The following ALS2 variants were observed in gnomAD, a reference collection of about 807,000 sequenced individuals.
ALS2 encodes alsin.
In ALS2, 117 loss-of-function variants were observed where a neutral mutation model predicts 203.4. The ratio of observed to expected loss-of-function variants is 0.58; its 90% CI spans 0.50 to 0.67. ALS2 has a LOEUF of 0.67. Ranked by LOEUF, ALS2 falls within the 30% of genes least tolerant of loss-of-function variation. ALS2 has a pLI of 0.00. For missense variants in ALS2, 1,715 were observed against 1,989.4 expected (o/e 0.86, Z 2.62); for synonymous variants, 718 against 725.9 (o/e 0.99, Z 0.17).
At position 201,760,945 on chromosome 2, in the gene ALS2, C is replaced by T. The variant is rs763352024; in HGVS notation, c.1049G>A (p.Arg350Gln). ...PDTQAVNEYLRKLSDHSVRED... is the reference protein window; with the variant it reads ...PDTQAVNEYLQKLSDHSVRED... ...TCTTACTGAATGATCTGACAGTTTC[C>T]GTAGGTATTCATTGACTGCTTGGGT... The change falls in exon 4 of 34, where the codon CGG (arginine) becomes CAG (glutamine). Residue 350 changes from arginine (R) to glutamine (Q), a missense_variant. Around this residue, in one of 3 missense-constraint regions of ALS2, gnomAD observed 476 missense variants for 539.3 expected, o/e 0.88. Transcript: ENST00000264276. The T allele has an allele frequency of 1.9e-5, 30 of 1,614,000 alleles. No homozygotes were observed. The highest frequency in any genetic ancestry group is 2.4e-5 in the Non-Finnish European group (28 of 1,180,032).
chr2:201,708,621 G>A (rs1040283215), intron 27 of ALS2, among the ~76,000 whole-genome samples: 1 of 152,102 alleles, frequency 6.6e-6, no homozygotes, highest in African/African-American at 2.4e-5. Context: ...ATTTAAAAAT[G>A]TGTTTTTAAA....
Position 201,760,907 on chromosome 2 carries a change from G to GCT in ALS2, c.1085_1086dup (p.His363SerfsTer13). On this transcript the variant is annotated frameshift_variant, in exon 4 of 34. Transcript: ENST00000264276. LOFTEE classifies it high-confidence loss of function. Reference sequence around the variant, plus strand: ...TGAGATGGCACTGGCTTTTCACCATGCTCTGAGTCCTCTCTTACTGAATGA... The same window carrying GCT: ...TGAGATGGCACTGGCTTTTCACCATGCTCTCTGAGTCCTCTCTTACTGAATGA... 1 of 1,613,992 alleles carries GCT rather than the reference G, an allele frequency of 6.2e-7. No individual in the cohort carries two copies. Among genetic ancestry groups the GCT allele is most frequent in the Non-Finnish European group, 8.5e-7 (1 of 1,179,878 alleles).
chr2:201,717,205 C>T (rs1038441970), intron 24 of ALS2, among the ~76,000 whole-genome samples: 3 of 152,118 alleles, frequency 2.0e-5, no homozygotes, highest in African/African-American at 7.2e-5. Flanking sequence ...TGGCTCACAC[C>T]TGTAATCCCA....
intron 28 of ALS2, 149 bp from the exon 29 acceptor site, chr2:201,707,171 A>G: frequency 1.4e-6 from 1 of 694,598 alleles, no homozygotes; most frequent in Non-Finnish European, 2.5e-6. Context: ...TTACATATGG[A>G]GTTGATATGA....
intron 12 of ALS2, among the ~76,000 whole-genome samples, chr2:201,737,674 C>T (rs1691965672): frequency 6.6e-6 from 1 of 152,158 alleles, no homozygotes; most frequent in Non-Finnish European, 1.5e-5. Flanking sequence ...GTAATCCCGG[C>T]ACTTTTGGAG....
At chr2:201,727,079 GGGTTAATGAA>G in intron 17 of ALS2, 123 bp downstream of exon 17, 1 of 969,510 alleles carries the variant, frequency 1.0e-6, no homozygotes, top group Non-Finnish European at 1.6e-6. Flanking sequence ...CTACAGTTTT[GGGTTAATGAA>G]GATTTATCAG....
chr2:201,710,944 G>A lies in ALS2; in HGVS notation c.4122+47C>T, dbSNP rs530857879. The A allele has an allele frequency of 9.3e-5, 105 of 1,125,410 alleles. No homozygotes were observed. In the Middle Eastern group the frequency reaches 1.3e-3, roughly 14 times the overall value. 69.7% of individuals were successfully genotyped at this position (1,125,410 alleles called of 1,614,324 possible). On this transcript the variant is annotated intron_variant, in intron 26 of 33. Transcript: ENST00000264276. ...CTATCTGAATGATATATTGTGGTAGGTGAATCATTAATTCACAAGACCAAT... is the reference window on the plus strand; with the variant it reads ...CTATCTGAATGATATATTGTGGTAGATGAATCATTAATTCACAAGACCAAT...
Position 201,761,308 on chromosome 2 carries a change from G to T in ALS2, c.686C>A (p.Pro229Gln). 2 of 1,614,106 alleles carry T rather than the reference G, an allele frequency of 1.2e-6. No individual in the cohort carries two copies. The highest frequency in any genetic ancestry group is 1.7e-6 in the Non-Finnish European group (2 of 1,180,028). ...CLPSQDLKPVPERCNQCSQLL... is the reference protein window; with the variant it reads ...CLPSQDLKPVQERCNQCSQLL... ...CTGGCTGCACTGGTTGCATCGTTCT[G>T]GGACTGGCTTCAGATCCTGGGAAGG... The change falls in exon 4 of 34, where the codon CCA becomes CAA. Residue 229 changes from proline (P) to glutamine (Q), a missense_variant. By Grantham distance (76) the Pro-to-Gln change is moderately conservative. Coordinates refer to ENST00000264276, the MANE Select transcript of ALS2 (RefSeq NM_020919.4).
chr2:201,727,839 T>C (rs536851230), intron 15 of ALS2, 64 bp from the exon 16 acceptor site: 16 of 1,432,844 alleles, frequency 1.1e-5, no homozygotes, highest in Admixed American at 3.9e-5. Flanking sequence ...ACTCTGCCCA[T>C]ATCCCCTTCA....
At chr2:201,751,897 C>A (rs116788409) in intron 7 of ALS2, among the ~76,000 whole-genome samples, 1 of 152,256 alleles carries the variant, frequency 6.6e-6, no homozygotes, top group Non-Finnish European at 1.5e-5. Flanking sequence ...ATACTCAAGT[C>A]TTGTTTTCCC....
chr2:201,711,517 A>G (rs1690024925), intron 25 of ALS2, among the ~76,000 whole-genome samples: 1 of 152,110 alleles, frequency 6.6e-6, no homozygotes, highest in Non-Finnish European at 1.5e-5. Flanking sequence ...GAATAAAAGG[A>G]ATAAAAGAGG....
chr2:201,736,066 T>C (rs530263011), intron 12 of ALS2, among the ~76,000 whole-genome samples: 13 of 152,098 alleles, frequency 8.5e-5, no homozygotes, highest in African/African-American at 2.4e-4. Flanking sequence ...ATAATAAAGA[T>C]ATTTAAAATA....
intron 7 of ALS2, among the ~76,000 whole-genome samples, chr2:201,750,650 T>A (rs978497679): frequency 5.9e-5 from 9 of 152,202 alleles, no homozygotes; most frequent in African/African-American, 2.2e-4. Context: ...ATGAAAGTAA[T>A]TCATGGTCAT....
chr2:201,729,879 C>CAAAAAA (rs35065446), intron 13 of ALS2, among the ~76,000 whole-genome samples: 3 of 75,226 alleles, frequency 4.0e-5, no homozygotes, highest in Admixed American at 1.9e-4. Context: ...GACTCCGTCT[C>CAAAAAA]AAAAAAAAAA....
intron 22 of ALS2, 50 bp downstream of exon 22, chr2:201,723,280 A>G (rs2105998614): frequency 6.7e-7 from 1 of 1,487,378 alleles, no homozygotes. Context: ...AGTTAAGGAC[A>G]AAGGAGCTTT....
In ALS2 at chr2:201,707,887, G is replaced by A; in HGVS notation, c.4385C>T (p.Ser1462Phe). The A allele has an allele frequency of 1.2e-6, 2 of 1,613,516 alleles. No homozygotes were observed. Among genetic ancestry groups the A allele is most frequent in the Non-Finnish European group, 1.7e-6 (2 of 1,179,644 alleles). The stretch of plus-strand genomic sequence containing the variant: ...CATTTACCCTGGCTCTGGTGATTCA[G>A]ATCGGGAATCTGACTTCCCAGTGCA... Reference protein sequence around the residue: ...SFCTGKSDSRSESPEPGYVVT... With the variant: ...SFCTGKSDSRFESPEPGYVVT... Residue 1462 changes from serine to phenylalanine, a missense_variant, in exon 28 of 34, where the codon TCT becomes TTT. This residue lies in a region of ALS2 where 1,227 missense variants were observed against 1,413.5 expected (regional missense o/e 0.87). Transcript: ENST00000264276.
At chr2:201,746,544 T>C in intron 9 of ALS2, 22 bp downstream of exon 9, 1 of 1,613,722 alleles carries the variant, frequency 6.2e-7, no homozygotes. Flanking sequence ...AATGTGGGCC[T>C]TAGGATCCAA....
Position 201,771,628 on chromosome 2 carries a change from GTCTT to G in ALS2, c.-60-2687_-60-2684del, listed in dbSNP as rs1447811123. Among the ~76,000 whole-genome samples the G allele has an allele frequency of 3.3e-5, 5 of 152,102 alleles. No homozygotes were observed. In the South Asian group the frequency reaches 8.3e-4, roughly 25 times the overall value. ...AAAAGAAAGTAAATGAAAAACTTTTGTCTTTCTAATATTTTTATGATTGTCTCTC... is the reference window on the plus strand; with the variant it reads ...AAAAGAAAGTAAATGAAAAACTTTTGTCTAATATTTTTATGATTGTCTCTC... On this transcript the variant is annotated intron_variant, in intron 1 of 33. Transcript: ENST00000264276.
At chr2:201,724,731 A>T (rs983322938) in intron 20 of ALS2, among the ~76,000 whole-genome samples, 3 of 152,206 alleles carry the variant, frequency 2.0e-5, no homozygotes, top group Admixed American at 1.3e-4. Context: ...TATTTTTAAG[A>T]GGGAAGAATA....
Sources: gnomAD v4.1 joint callset for allele counts (sites outside exome capture counted in the v4.1 genomes callset) on GRCh38, gnomAD v4.1.1 for gene constraint, gnomAD v4.1.1 regional missense constraint, MANE v1.5 for transcripts, NCBI Gene and HGNC (gene_info 2026-07-23, HGNC 2026-07-21) for gene names.